The following MARCHF9 variants were observed in gnomAD, a reference collection of about 807,000 sequenced individuals.
MARCHF9 encodes the protein E3 ubiquitin-protein ligase MARCHF9.
Under a neutral mutation model 35.2 loss-of-function variants are expected in MARCHF9, and 17 were observed. The observed-to-expected ratio is 0.48, with a 90% CI of 0.33 to 0.72. MARCHF9 has a LOEUF of 0.72. Ranked by LOEUF, MARCHF9 falls within the 30% of genes least tolerant of loss-of-function variation. The pLI, the probability that MARCHF9 is intolerant of heterozygous loss-of-function variation, is 0.02. For synonymous variants in MARCHF9, 183 were observed against 207.4 expected (o/e 0.88, Z 1.01); for missense variants, 386 against 478.2 (o/e 0.81, Z 1.80).
At chr12:57,755,956 G>A in intron 1 of MARCHF9, 71 bp downstream of exon 1, 3 of 1,203,096 alleles carry the variant, frequency 2.5e-6, no homozygotes, top group Non-Finnish European at 3.3e-6. Flanking sequence ...GAGACCGCGA[G>A]CAGGCGCGGC....
chr12:57,758,970 C>A lies in MARCHF9; in HGVS notation c.*73C>A. On this transcript the variant is annotated 3_prime_UTR_variant, in exon 4 of 4. Transcript: ENST00000266643. This position sits in a 1 kb window ranked among gnomAD's most constrained non-coding sequence, Gnocchi z 5.4. The stretch of plus-strand genomic sequence containing the variant: ...AGAACTCTCATGGCTGCTGGAGGTA[C>A]CAGCTGGACAAGGTGTTTGGGGCAT... The A allele has an allele frequency of 7.2e-7, 1 of 1,388,832 alleles. No individual in the cohort carries two copies. 86.0% of individuals were successfully genotyped at this position (1,388,832 alleles called of 1,614,324 possible). A position where few individuals can be genotyped will look rare whatever the true frequency, so the allele number is the denominator to read the frequency against.
At chr12:57,758,000 C>A in intron 2 of MARCHF9, 108 bp from the exon 3 acceptor site, 1 of 1,099,108 alleles carries the variant, frequency 9.1e-7, no homozygotes, top group Non-Finnish European at 1.4e-6. Flanking sequence ...GTTGATCCTG[C>A]CTGAAGGTTT....
rs1196104450 is a variant in MARCHF9, at chr12:57,758,035, G to A, written c.514-73G>A. 1 of 1,545,280 alleles carries A rather than the reference G, an allele frequency of 6.5e-7. No homozygotes were observed. The highest frequency in any genetic ancestry group is 8.9e-7 in the Non-Finnish European group (1 of 1,118,620). ...TTAGGGAAGGTTCCTGGAGCACCCT[G>A]CTCTTCAGGGCCACCCATCACCTGG... On this transcript the variant is annotated intron_variant, in intron 2 of 3. Coordinates refer to ENST00000266643, the MANE Select transcript of MARCHF9 (RefSeq NM_138396.6). This position sits in a 1 kb window ranked among gnomAD's most constrained non-coding sequence, Gnocchi z 5.4.
In MARCHF9 at chr12:57,755,736, G is replaced by T. The variant is rs1199863561; in HGVS notation, c.208G>T (p.Gly70Cys). 8.2e-7 allele frequency: 1 copy of T among 1,218,624 alleles called. No homozygotes were observed. The highest frequency in any genetic ancestry group is 3.9e-5 in the South Asian group (1 of 25,550). The allele number at this position is 1,218,624 out of a possible 1,614,324, so 75.5% of individuals were successfully genotyped here. ...GGAGCCGCGGGCCCGGGGCCTGGCC[G>T]GCGACAAGGAGCCGCGGGCCGGACC... ...GSEPRARGLA[G>C]DKEPRAGPLP... The change falls in exon 1 of 4, where the codon GGC becomes TGC. Residue 70 changes from glycine (G) to cysteine (C), a missense_variant. This residue lies in a region of MARCHF9 where 219 missense variants were observed against 316.2 expected (regional missense o/e 0.69). Transcript: ENST00000266643.
chr12:57,758,317 C>G lies in MARCHF9; in HGVS notation c.706+17C>G. ...TCTGCATAGGTGAGGGCACCTCTCT[C>G]TCCTTTACCTGCTCTGTATCTTCCT... On this transcript the variant is annotated intron_variant, in intron 3 of 3. Coordinates refer to ENST00000266643, the MANE Select transcript of MARCHF9 (RefSeq NM_138396.6). This position sits in a 1 kb window ranked among gnomAD's most constrained non-coding sequence, Gnocchi z 5.4. The G allele has an allele frequency of 6.3e-7, 1 of 1,597,740 alleles. No homozygotes were observed. The highest frequency in any genetic ancestry group is 8.6e-7 in the Non-Finnish European group (1 of 1,168,116).
In MARCHF9 at chr12:57,760,383, A is replaced by ATTT. The variant is rs1955311668; in HGVS notation, c.*1486_*1487insTTT. 6.6e-6 allele frequency: 1 copy of ATTT among 152,228 alleles called. No individual in the cohort carries two copies. The highest frequency in any genetic ancestry group is 1.5e-5 in the Non-Finnish European group (1 of 68,044). The allele number at this position is 152,228 out of a possible 1,614,324, so 9.4% of individuals were successfully genotyped here. A position where few individuals can be genotyped will look rare whatever the true frequency, so the allele number is the denominator to read the frequency against. ...TAAGTAAACCATTCAACAGCAATTA[A>ATTT]ATAATTCCTTCATTCACGGCTAAAG... On this transcript the variant is annotated 3_prime_UTR_variant, in exon 4 of 4. Coordinates refer to ENST00000266643, the MANE Select transcript of MARCHF9 (RefSeq NM_138396.6).
intron 1 of MARCHF9, among the ~76,000 whole-genome samples, chr12:57,756,421 T>C (rs1278407338): frequency 6.6e-6 from 1 of 152,128 alleles, no homozygotes; most frequent in East Asian, 1.9e-4. Context: ...GAGAATTGAT[T>C]CCATGATTAA....
intron 1 of MARCHF9, 79 bp downstream of exon 1, chr12:57,755,964 GGC>G: frequency 8.8e-7 from 1 of 1,134,580 alleles, no homozygotes; most frequent in South Asian, 1.7e-5. Flanking sequence ...GAGCAGGCGC[GGC>G]GCCTAAGGAG....
Position 57,760,193 on chromosome 12 carries a change from C to T in MARCHF9, c.*1296C>T, listed in dbSNP as rs1955310772. Reference sequence around the variant, plus strand: ...CAGGTTTGATCCCGGTGTGCCCAGCCAGTGGTATTAATGGATGGCATTATG... The same window carrying T: ...CAGGTTTGATCCCGGTGTGCCCAGCTAGTGGTATTAATGGATGGCATTATG... On this transcript the variant is annotated 3_prime_UTR_variant, in exon 4 of 4. Transcript: ENST00000266643. 3.3e-5 allele frequency: 5 copies of T among 152,192 alleles called. No individual in the cohort carries two copies. The highest frequency in any genetic ancestry group is 3.3e-4 in the Admixed American group (5 of 15,286). 9.4% of individuals were successfully genotyped at this position (152,192 alleles called of 1,614,324 possible). A position where few individuals can be genotyped will look rare whatever the true frequency, so the allele number is the denominator to read the frequency against.
In MARCHF9 at chr12:57,755,476, C is replaced by CCCCCCCT; in HGVS notation, c.-53_-52insCCCCCCT. The stretch of plus-strand genomic sequence containing the variant: ...CCGGCCTTGTCCTCTCCCCTCCCCC[C>CCCCCCCT]GCCGCTAGCGAGCCCCCCTTGCACG... On this transcript the variant is annotated 5_prime_UTR_variant, in exon 1 of 4. Coordinates refer to ENST00000266643, the MANE Select transcript of MARCHF9 (RefSeq NM_138396.6). The CCCCCCCT allele has an allele frequency of 1.5e-6, 1 of 651,846 alleles. No homozygotes were observed. Among genetic ancestry groups the CCCCCCCT allele is most frequent in the Non-Finnish European group, 2.1e-6 (1 of 475,350 alleles). The allele number at this position is 651,846 out of a possible 1,614,324, so 40.4% of individuals were successfully genotyped here.
Position 57,755,606 on chromosome 12 carries a change from C to A in MARCHF9, c.78C>A (p.Ala26=). The part of the protein sequence containing the change: ...LVLTGGGRPR[A]EPQPRGGRGG... ...TGACAGGCGGGGGGCGGCCCCGGGC[C>A]GAGCCGCAACCCCGGGGGGGCCGGG... The change falls in exon 1 of 4, where the codon GCC becomes GCA. Residue 26 remains alanine, a synonymous_variant. Transcript: ENST00000266643. 5 of 1,354,000 alleles carry A rather than the reference C, an allele frequency of 3.7e-6. No individual in the cohort carries two copies. Among genetic ancestry groups the A allele is most frequent in the African/African-American group, 1.5e-5 (1 of 65,288 alleles). The allele number at this position is 1,354,000 out of a possible 1,614,324, so 83.9% of individuals were successfully genotyped here.
At chr12:57,757,168 T>C in intron 2 of MARCHF9, 84 bp downstream of exon 2, 1 of 1,405,390 alleles carries the variant, frequency 7.1e-7, no homozygotes, top group Middle Eastern at 1.9e-4. Context: ...GCCTATTTCA[T>C]TTACTCTTTT....
rs138740542 is a variant in MARCHF9, at chr12:57,758,568, A to C, written c.712A>C (p.Ile238Leu). Reference sequence around the variant, plus strand: ...TTCTTATTCCTATTGCTCAGGCCTCATCATCCATGAAGGCTCCTCTGTCTA... The same window carrying C: ...TTCTTATTCCTATTGCTCAGGCCTCCTCATCCATGAAGGCTCCTCTGTCTA... ...GFMDVVCIGL[I>L]IHEGSSVYRI... is the part of the protein sequence containing the mutation. The change falls in exon 4 of 4, where the codon ATC becomes CTC. Residue 238 changes from isoleucine to leucine, a missense_variant. Transcript: ENST00000266643. This position sits in a 1 kb window ranked among gnomAD's most constrained non-coding sequence, Gnocchi z 5.4. 4.7e-3 allele frequency: 7,485 copies of C among 1,605,450 alleles called. 24 individuals carry two copies. Among genetic ancestry groups the C allele is most frequent in the Middle Eastern group, 6.0e-3 (36 of 6,008 alleles).
rs1316330447 is a variant in MARCHF9 at position 57,755,565 on chromosome 12, C to T, written c.37C>T (p.Leu13=). 1.4e-6 allele frequency: 2 copies of T among 1,383,684 alleles called. No homozygotes were observed. The highest frequency in any genetic ancestry group is 2.9e-5 in the South Asian group (2 of 68,848). The allele number at this position is 1,383,684 out of a possible 1,614,324, so 85.7% of individuals were successfully genotyped here. Residue 13 remains leucine (L), a synonymous_variant, in exon 1 of 4, where the codon CTG becomes TTG. Coordinates refer to ENST00000266643, the MANE Select transcript of MARCHF9 (RefSeq NM_138396.6). ...TCGGCTCCGCATGTTTCTGAACGAG[C>T]TGAAGCTGCTGGTGCTGACAGGCGG... ...KSRLRMFLNE[L]KLLVLTGGGR...
At chr12:57,757,646 C>T (rs925429719) in intron 2 of MARCHF9, 9 of 308,410 alleles carry the variant, frequency 2.9e-5, no homozygotes, top group South Asian at 2.7e-4. Flanking sequence ...GACTCCGTCT[C>T]GAAGGAAAAA....
chr12:57,756,823 TA>T, intron 1 of MARCHF9, 105 bp from the exon 2 acceptor site: 1 of 1,232,192 alleles, frequency 8.1e-7, no homozygotes, highest in Non-Finnish European at 1.1e-6. Context: ...CTGAGTTATT[TA>T]AGGTGGGAAA....
chr12:57,756,968 C>G lies in MARCHF9; in HGVS notation c.397C>G (p.Arg133Gly). The G allele has an allele frequency of 6.3e-7, 1 of 1,598,284 alleles. No homozygotes were observed. The highest frequency in any genetic ancestry group is 1.1e-5 in the South Asian group (1 of 88,426). ...CCCCTGCCGCTGCGACGGCTCAGTGCGCTGCACGCATCAGCCCTGCCTCAT... is the reference window on the plus strand; with the variant it reads ...CCCCTGCCGCTGCGACGGCTCAGTGGGCTGCACGCATCAGCCCTGCCTCAT... ...LSPCRCDGSV[R>G]CTHQPCLIRW... is the part of the protein sequence containing the mutation. The change falls in exon 2 of 4, where the codon CGC becomes GGC. Residue 133 changes from arginine to glycine, a missense_variant. By Grantham distance (125) the Arg-to-Gly change is moderately radical (BLOSUM62 -2). This residue lies in a region of MARCHF9 where 219 missense variants were observed against 316.2 expected (regional missense o/e 0.69). Transcript: ENST00000266643.
rs185255398 is a variant in MARCHF9 at position 57,758,333 on chromosome 12, G to C, written c.706+33G>C. ...CACCTCTCTCTCCTTTACCTGCTCT[G>C]TATCTTCCTCTTACACACCTAACTC... On this transcript the variant is annotated intron_variant, in intron 3 of 3. Transcript: ENST00000266643. The surrounding 1 kb of genome is among the most constrained non-coding windows in gnomAD (Gnocchi z 5.4). The C allele has an allele frequency of 5.8e-3, 9,157 of 1,584,350 alleles. 271 individuals are homozygous for C. The South Asian group carries it at 0.063, about 11-fold the overall frequency.
chr12:57,757,070 A>G lies in MARCHF9; in HGVS notation c.499A>G (p.Lys167Glu). Residue 167 changes from lysine (K) to glutamate (E), a missense_variant, in exon 2 of 4, where the codon AAG becomes GAG. This residue lies in a region of MARCHF9 where 219 missense variants were observed against 316.2 expected (regional missense o/e 0.69). Coordinates refer to ENST00000266643, the MANE Select transcript of MARCHF9 (RefSeq NM_138396.6). ...FKYQVLAIST[K>E]NPLQWQAISL... The stretch of plus-strand genomic sequence containing the variant: ...GTACCAGGTCCTGGCGATCAGCACC[A>G]AGAACCCACTGCAGGTGAGGTGCAA... The G allele has an allele frequency of 6.4e-7, 1 of 1,551,790 alleles. No individual in the cohort carries two copies. The highest frequency in any genetic ancestry group is 1.2e-5 in the South Asian group (1 of 83,914).
Sources: allele counts gnomAD v4.1 joint callset (sites outside exome capture counted in the v4.1 genomes callset), GRCh38; gene constraint gnomAD v4.1.1; regional missense constraint gnomAD v4.1.1; non-coding constraint Gnocchi (gnomAD v3.1); transcripts MANE v1.5; gene names NCBI Gene and HGNC (gene_info 2026-07-23, HGNC 2026-07-21).